Variants in FANCD2 observed in about 807,000 individuals in gnomAD.
FANCD2 encodes the protein Fanconi anemia group D2 protein.
Under a neutral mutation model 192.3 loss-of-function variants are expected in FANCD2, and 131 were observed. The observed-to-expected ratio is 0.68, with a 90% CI of 0.59 to 0.79. FANCD2 has a LOEUF of 0.79. Ranked by LOEUF, FANCD2 falls within the 30% of genes least tolerant of loss-of-function variation. The pLI, the probability that FANCD2 is intolerant of heterozygous loss-of-function variation, is 0.00. For missense variants in FANCD2, 1,508 were observed against 1,701.6 expected, an observed-to-expected ratio of 0.89 and a Z score of 2.00; for synonymous variants, 524 against 612.5, an observed-to-expected ratio of 0.86 and a Z score of 2.13.
chr3:10,059,733 G>C (rs915620405), intron 18 of FANCD2, among the ~76,000 whole-genome samples: 2 of 152,064 alleles, frequency 1.3e-5, no homozygotes, highest in African/African-American at 4.8e-5. Context: ...ATGAAGCCGG[G>C]AGGTGGAGCT....
chr3:10,073,612 C>A (rs1057070598), intron 28 of FANCD2, among the ~76,000 whole-genome samples: 1 of 152,054 alleles, frequency 6.6e-6, no homozygotes, highest in Non-Finnish European at 1.5e-5. Flanking sequence ...TTTTGTACCC[C>A]AGCAGTACAT....
At position 10,098,763 on chromosome 3, in the gene FANCD2, ATGAGAG is replaced by A. The variant is rs766605179; in HGVS notation, c.4234_4239del (p.Ser1412_Glu1413del). 61 of 1,614,196 alleles carry A rather than the reference ATGAGAG, an allele frequency of 3.8e-5. No homozygotes were observed. The East Asian group carries it at 1.3e-3, about 34-fold the overall frequency. On this transcript the variant is annotated inframe_deletion, in exon 43 of 44. Transcript: ENST00000675286. Reference sequence around the variant, plus strand: ...CAAAATTCCCAGGAGAGCACAGCAGATGAGAGTGAGGATGACATGTCATCCCAGGCC... The same window carrying A: ...CAAAATTCCCAGGAGAGCACAGCAGATGAGGATGACATGTCATCCCAGGCC...
chr3:10,068,108 T>C (rs1461278212), intron 26 of FANCD2, among the ~76,000 whole-genome samples: 1 of 152,036 alleles, frequency 6.6e-6, no homozygotes, highest in African/African-American at 2.4e-5. Flanking sequence ...ATACCACTAT[T>C]ATAAAATACA....
Position 10,078,164 on chromosome 3 carries a change from A to C in FANCD2, c.2943A>C (p.Thr981=). 6.2e-7 allele frequency: 1 copy of C among 1,613,062 alleles called. No individual in the cohort carries two copies. Among genetic ancestry groups the C allele is most frequent in the South Asian group, 1.1e-5 (1 of 91,062 alleles). ...CCCAGAAGCTGGAGAGTATGCTGAC[A>C]CCTCCTATTGCCAGGAGAGTCCCCT... ...DLSQKLESML[T]PPIARRVPFL... Residue 981 remains threonine (T), a synonymous_variant, in exon 30 of 44, where the codon ACA becomes ACC. Transcript: ENST00000675286.
At chr3:10,073,064 C>T (rs1693343960) in intron 27 of FANCD2, 83 bp downstream of exon 27, 2 of 883,208 alleles carry the variant, frequency 2.3e-6, no homozygotes, top group Non-Finnish European at 3.8e-6. Flanking sequence ...ATCATGGCAT[C>T]AGTAATTGGA....
intron 9 of FANCD2, chr3:10,041,140 G>A (rs1302404945): frequency 5.4e-6 from 1 of 184,090 alleles, no homozygotes; most frequent in Non-Finnish European, 1.1e-5. Context: ...GCTACAGTGA[G>A]CTGTGATGAC....
chr3:10,097,656 T>C (rs943477715), intron 42 of FANCD2, among the ~76,000 whole-genome samples: 4 of 152,192 alleles, frequency 2.6e-5, no homozygotes, highest in African/African-American at 9.7e-5. Flanking sequence ...GTACAATTTG[T>C]GTAGTTAACG....
At chr3:10,035,098 T>C (rs558158498) in intron 5 of FANCD2, 75 bp from the exon 6 acceptor site, 1 of 1,297,818 alleles carries the variant, frequency 7.7e-7, no homozygotes, top group African/African-American at 1.5e-5. Context: ...TTTAACCAAT[T>C]TTATTGAGAA....
intron 5 of FANCD2, 42 bp downstream of exon 5, chr3:10,034,840 T>C: frequency 2.1e-6 from 3 of 1,403,688 alleles, no homozygotes; most frequent in Non-Finnish European, 3.0e-6. Flanking sequence ...ATTCAGTCTG[T>C]TTTGCCAACT....
chr3:10,037,011 G>T (rs76041173), intron 7 of FANCD2, among the ~76,000 whole-genome samples: 29,296 of 143,482 alleles, frequency 0.2, 3,358 homozygotes, highest in African/African-American at 0.33. Context: ...AATTTTCGTG[G>T]TTTTTTTTTT....
At chr3:10,094,866 C>A (rs756233563) in intron 40 of FANCD2, 34 of 382,672 alleles carry the variant, frequency 8.9e-5, no homozygotes, top group Non-Finnish European at 1.4e-4. Flanking sequence ...AAATACTCAC[C>A]ATATTTGGTT....
chr3:10,090,359 C>CTCAGATGATCCT lies in FANCD2; in HGVS notation c.3751_3752insTCAGATGATCCT (p.Pro1251delinsLeuArgTer). 6.2e-7 allele frequency: 1 copy of CTCAGATGATCCT among 1,611,402 alleles called. No individual in the cohort carries two copies. Among genetic ancestry groups the CTCAGATGATCCT allele is most frequent in the Non-Finnish European group, 8.5e-7 (1 of 1,179,070 alleles). ...AGAGAAGACGGTGAAAAAAATTGAGCCTGGCACAGCAGCAGACTCGCAGCA... is the reference window on the plus strand; with the variant it reads ...AGAGAAGACGGTGAAAAAAATTGAGCTCAGATGATCCTCTGGCACAGCAGCAGACTCGCAGCA... On this transcript the variant is annotated stop_gained and protein_altering_variant, in exon 37 of 44. Coordinates refer to ENST00000675286, the MANE Select transcript of FANCD2 (RefSeq NM_001018115.3). LOFTEE classifies it high-confidence loss of function.
At chr3:10,026,517 C>A (rs1449417598) in intron 1 of FANCD2, 44 bp downstream of exon 1, 6 of 490,850 alleles carry the variant, frequency 1.2e-5, no homozygotes, top group African/African-American at 2.1e-5. Context: ...AGGCCCCGCT[C>A]CCCTGCGGCC....
At chr3:10,032,535 G>A (rs1314602194) in intron 2 of FANCD2, 2 of 353,728 alleles carry the variant, frequency 5.7e-6, no homozygotes, top group Non-Finnish European at 5.4e-6. Context: ...TTGAACTCCT[G>A]GCTTCAAGTG....
At position 10,101,373 on chromosome 3, in the gene FANCD2, T is replaced by TCC; in HGVS notation, c.*112_*113dup. The TCC allele has an allele frequency of 1.5e-6, 1 of 665,256 alleles. No individual in the cohort carries two copies. Among genetic ancestry groups the TCC allele is most frequent in the Non-Finnish European group, 2.6e-6 (1 of 385,852 alleles). 41.2% of individuals were successfully genotyped at this position (665,256 alleles called of 1,614,324 possible). ...TCTTACTGGTAGGATCCTTTTTTGT[T>TCC]CCTCTTTTTTTTTTTTTTTTTTTTT... On this transcript the variant is annotated 3_prime_UTR_variant, in exon 44 of 44. Transcript: ENST00000675286.
chr3:10,053,078 CAT>C (rs2087265409), intron 18 of FANCD2, among the ~76,000 whole-genome samples: 1 of 147,144 alleles, frequency 6.8e-6, no homozygotes, highest in East Asian at 2.0e-4. Context: ...CACATGCACA[CAT>C]ATGTTTATTG....
chr3:10,069,830 C>A, intron 26 of FANCD2, among the ~76,000 whole-genome samples: 1 of 152,138 alleles, frequency 6.6e-6, no homozygotes, highest in Non-Finnish European at 1.5e-5. Context: ...ACCTCCCAGC[C>A]ACCTGCCTTG....
intron 34 of FANCD2, among the ~76,000 whole-genome samples, chr3:10,087,560 A>G (rs1193472879): frequency 6.6e-6 from 1 of 152,202 alleles, no homozygotes; most frequent in Non-Finnish European, 1.5e-5. Flanking sequence ...ACATTTGACA[A>G]AACGAGACAT....
At position 10,043,140 on chromosome 3, in the gene FANCD2, G is replaced by T; in HGVS notation, c.979G>T (p.Gly327Ter). 1.2e-6 allele frequency: 2 copies of T among 1,613,876 alleles called. No homozygotes were observed. Among genetic ancestry groups the T allele is most frequent in the South Asian group, 2.2e-5 (2 of 91,068 alleles). ...TTCCCAAGTAAAGTTGAAAAGTAAAGGACGAGCAAGGTAAAGAGCTCATCC... is the reference window on the plus strand; with the variant it reads ...TTCCCAAGTAAAGTTGAAAAGTAAATGACGAGCAAGGTAAAGAGCTCATCC... ...QASQVKLKSK[G>*]RASSSGNQES... The change falls in exon 12 of 44, where the codon GGA becomes TGA. Residue 327 changes from glycine (G) to a stop codon, truncating the protein, a stop_gained. Transcript: ENST00000675286. LOFTEE classifies it high-confidence loss of function.
Sources: allele counts gnomAD v4.1 joint callset (sites outside exome capture counted in the v4.1 genomes callset), GRCh38; gene constraint gnomAD v4.1.1; transcripts MANE v1.5; gene names NCBI Gene and HGNC (gene_info 2026-07-23, HGNC 2026-07-21).